Variants in PCDH9 observed in about 807,000 individuals in gnomAD.
PCDH9 encodes protocadherin-9.
In PCDH9, 24 loss-of-function variants were observed where a neutral mutation model predicts 70.6. That is an observed-to-expected ratio of 0.34 (90% CI 0.25 to 0.48). PCDH9 has a LOEUF of 0.48. Among genes scored for constraint, PCDH9 ranks in the 20% least tolerant of loss-of-function variants. The pLI, the probability that PCDH9 is intolerant of heterozygous loss-of-function variation, is 0.99. For synonymous variants in PCDH9, 562 were observed against 558.5 expected, an observed-to-expected ratio of 1.01 and a Z score of -0.09; for missense variants, 1,281 against 1,503.6, an observed-to-expected ratio of 0.85 and a Z score of 2.45.
intron 2 of PCDH9, among the ~76,000 whole-genome samples, chr13:66,932,610 GA>G (rs1247812433): frequency 3.2e-4 from 45 of 141,738 alleles, no homozygotes; most frequent in African/African-American, 4.8e-4. Flanking sequence ...AAGTTTGGGG[GA>G]AAAAAAAACT....
intron 4 of PCDH9, among the ~76,000 whole-genome samples, chr13:66,479,534 G>T (rs916440535): frequency 6.6e-6 from 1 of 152,180 alleles, no homozygotes; most frequent in African/African-American, 2.4e-5. Flanking sequence ...ATACTGAGAG[G>T]TGAAGCCAGC....
chr13:66,676,703 T>C (rs547583200), intron 3 of PCDH9, among the ~76,000 whole-genome samples: 18 of 152,232 alleles, frequency 1.2e-4, no homozygotes, highest in Non-Finnish European at 2.4e-4. Context: ...ATCTATCTAT[T>C]GACCAATCTC....
At chr13:66,441,932 G>T (rs77181681) in intron 4 of PCDH9, among the ~76,000 whole-genome samples, 1 of 152,202 alleles carries the variant, frequency 6.6e-6, no homozygotes, top group Non-Finnish European at 1.5e-5. Context: ...ATTACATCCA[G>T]CTTCCAAGTT....
intron 4 of PCDH9, among the ~76,000 whole-genome samples, chr13:66,413,428 T>TTTAGGAGGCCTAAA (rs1305896312): frequency 6.6e-5 from 10 of 152,266 alleles, no homozygotes; most frequent in Admixed American, 1.3e-4. Context: ...GGCTCACACC[T>TTTAGGAGGCCTAAA]GTAATTCCAG....
In PCDH9 at chr13:66,666,133, A is replaced by G. The variant is rs551198456; in HGVS notation, c.3139-34722T>C. On this transcript the variant is annotated intron_variant, in intron 3 of 4. Coordinates refer to ENST00000377865, the MANE Select transcript of PCDH9 (RefSeq NM_203487.3). ...GGAGCCGTGACCAGAAGCCAGGCTT[A>G]GTCAGAAACCAAGGACTGGTAGCCA... Among the ~76,000 whole-genome samples, 52 of 152,360 alleles carry G rather than the reference A, an allele frequency of 3.4e-4. 1 individual carries two copies. The highest frequency in any genetic ancestry group is 1.3e-3 in the African/African-American group (52 of 41,592).
chr13:66,429,728 C>CT (rs34137634), intron 4 of PCDH9, among the ~76,000 whole-genome samples: 2 of 151,876 alleles, frequency 1.3e-5, no homozygotes, highest in Non-Finnish European at 2.9e-5. Context: ...AAAAAAATAA[C>CT]TTTTTCTGGT....
At chr13:66,676,787 T>C (rs2078249266) in intron 3 of PCDH9, among the ~76,000 whole-genome samples, 1 of 152,160 alleles carries the variant, frequency 6.6e-6, no homozygotes, top group African/African-American at 2.4e-5. Context: ...ATAGCTGTCA[T>C]GCATGTTTTA....
intron 2 of PCDH9, among the ~76,000 whole-genome samples, chr13:67,073,950 G>A (rs1566406379): frequency 6.6e-6 from 1 of 151,980 alleles, no homozygotes; most frequent in Non-Finnish European, 1.5e-5. Flanking sequence ...CCTTAACCTG[G>A]ATTTCACTGC....
intron 3 of PCDH9, among the ~76,000 whole-genome samples, chr13:66,804,152 A>G (rs1033667010): frequency 1.3e-5 from 2 of 152,182 alleles, no homozygotes; most frequent in African/African-American, 2.4e-5. Context: ...ACTCATACAC[A>G]TCTAATTCTC....
intron 4 of PCDH9, among the ~76,000 whole-genome samples, chr13:66,356,496 T>C (rs1211790028): frequency 6.6e-6 from 1 of 152,120 alleles, no homozygotes; most frequent in East Asian, 1.9e-4. Context: ...CTAATAGCCT[T>C]CATTTGTCTT....
intron 4 of PCDH9, among the ~76,000 whole-genome samples, chr13:66,498,206 C>T (rs1187173548): frequency 3.9e-5 from 2 of 50,646 alleles, no homozygotes; most frequent in South Asian, 7.4e-4. Flanking sequence ...TGCAGTGGCG[C>T]GATCTCGGCT....
At chr13:66,548,655 A>G (rs1169309624) in intron 4 of PCDH9, among the ~76,000 whole-genome samples, 1 of 152,154 alleles carries the variant, frequency 6.6e-6, no homozygotes, top group Non-Finnish European at 1.5e-5. Context: ...TGGATTTGTT[A>G]TGATCGTAAT....
intron 2 of PCDH9, among the ~76,000 whole-genome samples, chr13:67,189,502 T>C (rs1196834567): frequency 2.0e-5 from 3 of 152,058 alleles, no homozygotes; most frequent in Non-Finnish European, 4.4e-5. Flanking sequence ...AATTGTCACA[T>C]GTGGTTAGTG....
intron 3 of PCDH9, among the ~76,000 whole-genome samples, chr13:66,807,200 A>T (rs544632721): frequency 6.6e-6 from 1 of 152,322 alleles, no homozygotes; most frequent in East Asian, 1.9e-4. Flanking sequence ...ACTTAATATC[A>T]TAAGCTTAAA....
intron 3 of PCDH9, among the ~76,000 whole-genome samples, chr13:66,753,631 A>T (rs1300115169): frequency 1.3e-5 from 2 of 152,348 alleles, no homozygotes; most frequent in East Asian, 3.9e-4. Flanking sequence ...GGATAAGGTG[A>T]GCAGAGCAGG....
At chr13:66,534,269 T>C (rs1230754968) in intron 4 of PCDH9, among the ~76,000 whole-genome samples, 2 of 152,146 alleles carry the variant, frequency 1.3e-5, no homozygotes, top group Admixed American at 1.3e-4. Context: ...TGTTTCTTTT[T>C]AAAGTTATTG....
intron 4 of PCDH9, among the ~76,000 whole-genome samples, chr13:66,310,511 T>C (rs901506201): frequency 6.6e-6 from 1 of 152,082 alleles, no homozygotes; most frequent in African/African-American, 2.4e-5. Context: ...AATTCACTGC[T>C]GTAATTAAGA....
At chr13:66,575,179 A>T (rs2076796484) in intron 4 of PCDH9, among the ~76,000 whole-genome samples, 1 of 152,090 alleles carries the variant, frequency 6.6e-6, no homozygotes. Flanking sequence ...ATCTCAAAAA[A>T]AAAATACATA....
chr13:66,972,087 C>A (rs565472068), intron 2 of PCDH9, among the ~76,000 whole-genome samples: 169 of 152,040 alleles, frequency 1.1e-3, no homozygotes, highest in African/African-American at 3.8e-3. Flanking sequence ...GCATCTGAAT[C>A]TTACATATAC....
Sources: allele counts gnomAD v4.1 joint callset (sites outside exome capture counted in the v4.1 genomes callset), GRCh38; gene constraint gnomAD v4.1.1; transcripts MANE v1.5; gene names NCBI Gene and HGNC (gene_info 2026-07-23, HGNC 2026-07-21).